LMBR1: variants seen among roughly 807,000 people sequenced by gnomAD.
LMBR1 encodes the protein limb region 1 protein homolog.
A neutral mutation model predicts 73.9 loss-of-function variants in LMBR1; 52 were observed. That is an observed-to-expected ratio of 0.70 (90% CI 0.56 to 0.89). The LOEUF (loss-of-function observed/expected upper bound fraction) is 0.89. Among genes scored for constraint, LMBR1 ranks in the 40% least tolerant of loss-of-function variants. The pLI, the probability that LMBR1 is intolerant of heterozygous loss-of-function variation, is 0.00. For synonymous variants in LMBR1, 215 were observed against 209.4 expected (o/e 1.03, Z -0.23); for missense variants, 539 against 579.8 (o/e 0.93, Z 0.72).
chr7:156,890,509 A>C (rs1035544118), intron 1 of LMBR1, among the ~76,000 whole-genome samples: 2 of 152,268 alleles, frequency 1.3e-5, no homozygotes, highest in Non-Finnish European at 2.9e-5. Flanking sequence ...AATATTAAAA[A>C]GATAAACTTA....
chr7:156,778,372 G>C (rs1826530926), intron 5 of LMBR1, among the ~76,000 whole-genome samples: 1 of 152,178 alleles, frequency 6.6e-6, no homozygotes, highest in African/African-American at 2.4e-5. Context: ...TAGTAAGAAA[G>C]AGCTGTTATT....
chr7:156,739,880 A>G (rs1489885431), intron 9 of LMBR1, among the ~76,000 whole-genome samples: 1 of 152,166 alleles, frequency 6.6e-6, no homozygotes, highest in African/African-American at 2.4e-5. Flanking sequence ...CCAGGAAAAC[A>G]TGACCTCACC....
At position 156,680,601 on chromosome 7, in the gene LMBR1, A is replaced by G. The variant is rs1051741965; in HGVS notation, c.*3477T>C. The G allele has an allele frequency of 3.3e-5, 5 of 152,902 alleles. No homozygotes were observed. Among genetic ancestry groups the G allele is most frequent in the African/African-American group, 1.2e-4 (5 of 41,452 alleles). 9.5% of individuals were successfully genotyped at this position (152,902 alleles called of 1,614,324 possible). The stretch of plus-strand genomic sequence containing the variant: ...TTTTATGGAAAAAATTAGAGAAATC[A>G]AGTCTAAATAATTCAAGTAATTAAA... On this transcript the variant is annotated 3_prime_UTR_variant, in exon 17 of 17. Transcript: ENST00000353442.
chr7:156,844,788 G>A (rs1283242299), intron 1 of LMBR1, among the ~76,000 whole-genome samples: 2 of 152,158 alleles, frequency 1.3e-5, no homozygotes, highest in Admixed American at 6.5e-5. Flanking sequence ...AGAAGGCAAC[G>A]CAGCCCTGGA....
At chr7:156,719,677 G>A (rs1016310141) in intron 15 of LMBR1, among the ~76,000 whole-genome samples, 14 of 152,146 alleles carry the variant, frequency 9.2e-5, no homozygotes, top group African/African-American at 3.4e-4. Flanking sequence ...CAAAGCTGGA[G>A]GCATCATGCT....
intron 15 of LMBR1, 64 bp downstream of exon 15, chr7:156,724,048 A>C: frequency 8.8e-7 from 1 of 1,131,394 alleles, no homozygotes; most frequent in South Asian, 1.3e-5. Context: ...ATGTTAAATA[A>C]GTTCAGTAAA....
At chr7:156,855,961 C>T (rs981880153) in intron 1 of LMBR1, among the ~76,000 whole-genome samples, 4 of 152,202 alleles carry the variant, frequency 2.6e-5, no homozygotes, top group Admixed American at 1.3e-4. Context: ...TTTGGGAGGC[C>T]GAGGCGGGCA....
At chr7:156,692,969 T>G (rs1321887996) in intron 15 of LMBR1, among the ~76,000 whole-genome samples, 1 of 151,972 alleles carries the variant, frequency 6.6e-6, no homozygotes, top group Non-Finnish European at 1.5e-5. Flanking sequence ...AAAATTATAC[T>G]GTGGGATATG....
At chr7:156,854,918 T>A (rs887546474) in intron 1 of LMBR1, among the ~76,000 whole-genome samples, 1 of 152,216 alleles carries the variant, frequency 6.6e-6, no homozygotes, top group Non-Finnish European at 1.5e-5. Flanking sequence ...CTGAAACCTG[T>A]AGCTACTTCA....
intron 5 of LMBR1, among the ~76,000 whole-genome samples, chr7:156,786,601 A>G (rs952425777): frequency 1.3e-5 from 2 of 152,232 alleles, no homozygotes; most frequent in Non-Finnish European, 2.9e-5. Context: ...TGAAGGAATG[A>G]TAACACTTGA....
chr7:156,806,136 G>T (rs151310217), intron 4 of LMBR1, among the ~76,000 whole-genome samples: 1 of 152,002 alleles, frequency 6.6e-6, no homozygotes, highest in African/African-American at 2.4e-5. Context: ...CACAGTATCT[G>T]TCTCCACTTA....
chr7:156,735,504 C>A (rs979438353), intron 9 of LMBR1, among the ~76,000 whole-genome samples: 1 of 149,746 alleles, frequency 6.7e-6, no homozygotes, highest in Non-Finnish European at 1.5e-5. Context: ...ATTAAAATAC[C>A]CACTACAACT....
chr7:156,749,585 T>C (rs1820455188), intron 9 of LMBR1, among the ~76,000 whole-genome samples: 4 of 152,192 alleles, frequency 2.6e-5, no homozygotes, highest in Admixed American at 2.6e-4. Context: ...TTTATTTTTA[T>C]TTTTTAGGAT....
chr7:156,741,561 G>A (rs573540732), intron 9 of LMBR1, among the ~76,000 whole-genome samples: 1 of 152,180 alleles, frequency 6.6e-6, no homozygotes, highest in South Asian at 2.1e-4. Context: ...GACACAGAAG[G>A]TCACTACATG....
At chr7:156,888,061 G>A (rs1411268062) in intron 1 of LMBR1, among the ~76,000 whole-genome samples, 1 of 152,190 alleles carries the variant, frequency 6.6e-6, no homozygotes, top group Admixed American at 6.5e-5. Context: ...CCTTGCTAGT[G>A]GGAATATAAA....
Position 156,680,996 on chromosome 7 carries a change from T to A in LMBR1, c.*3082A>T, listed in dbSNP as rs887031138. ...AAACAATCTGTAAACAAAAATCAAT[T>A]ACTAGTGTGTCCAAATGTTATTTTT... On this transcript the variant is annotated 3_prime_UTR_variant, in exon 17 of 17. Transcript: ENST00000353442. 3.0e-6 allele frequency: 1 copy of A among 330,016 alleles called. No individual in the cohort carries two copies. The highest frequency in any genetic ancestry group is 2.3e-5 in the African/African-American group (1 of 43,990). The allele number at this position is 330,016 out of a possible 1,614,324, so 20.4% of individuals were successfully genotyped here. A position where few individuals can be genotyped will look rare whatever the true frequency, so the allele number is the denominator to read the frequency against.
intron 5 of LMBR1, among the ~76,000 whole-genome samples, chr7:156,768,367 A>C (rs1021226914): frequency 1.6e-4 from 25 of 152,232 alleles, no homozygotes; most frequent in African/African-American, 4.3e-4. Context: ...CTCAAAAAAA[A>C]ACAAAAAAGT....
chr7:156,891,210 AAATATATAT>A (rs1336894953), intron 1 of LMBR1, among the ~76,000 whole-genome samples: 39 of 77,944 alleles, frequency 5.0e-4, no homozygotes, highest in African/African-American at 1.2e-3. Context: ...AAAAAAAAAA[AAATATATAT>A]ATATATATAT....
chr7:156,839,688 A>G (rs184590517), intron 1 of LMBR1, among the ~76,000 whole-genome samples: 143 of 152,296 alleles, frequency 9.4e-4, no homozygotes, highest in Non-Finnish European at 1.5e-3. Flanking sequence ...CGGAGAATGA[A>G]GAAGACTACT....
Sources: gnomAD v4.1 joint callset for allele counts (sites outside exome capture counted in the v4.1 genomes callset) on GRCh38, gnomAD v4.1.1 for gene constraint, MANE v1.5 for transcripts, NCBI Gene and HGNC (gene_info 2026-07-23, HGNC 2026-07-21) for gene names.